Variants in BEND2 observed in about 807,000 individuals in gnomAD.
The protein encoded by BEND2 is BEN domain-containing protein 2.
A neutral mutation model predicts 43.8 loss-of-function variants in BEND2; 19 were observed. The ratio of observed to expected loss-of-function variants is 0.43; its 90% CI spans 0.30 to 0.64. BEND2 has a LOEUF of 0.64. Among genes scored for constraint, BEND2 ranks in the 30% least tolerant of loss-of-function variants. BEND2 has a pLI of 0.11. For missense variants in BEND2, 544 were observed against 574.0 expected, an observed-to-expected ratio of 0.95 and a Z score of 0.53; for synonymous variants, 226 against 210.1, an observed-to-expected ratio of 1.08 and a Z score of -0.66.
chrX:18,173,857 A>G (rs147029329), intron 12 of BEND2, among the ~76,000 whole-genome samples, 173 bp downstream of exon 12: 114 of 112,087 alleles, frequency 1.0e-3, no homozygotes, highest in African/African-American at 3.5e-3. Context: ...GTGTCTATAT[A>G]TTTCATTAAC....
chrX:18,186,942 G>A (rs1924594432), intron 8 of BEND2, among the ~76,000 whole-genome samples: 1 of 106,066 alleles, frequency 9.4e-6, no homozygotes, highest in Non-Finnish European at 1.9e-5. Context: ...ACTCCCGCCT[G>A]GGCAACAGAG....
intron 8 of BEND2, among the ~76,000 whole-genome samples, chrX:18,181,729 G>A (rs1044360180): frequency 3.6e-5 from 4 of 111,525 alleles, no homozygotes; most frequent in African/African-American, 1.3e-4. Flanking sequence ...AACACTCAGA[G>A]CAACCACTAG....
At position 18,196,928 on chromosome X, in the gene BEND2, C is replaced by T. The variant is rs1924972778; in HGVS notation, c.1034-1486G>A. On this transcript the variant is annotated intron_variant, in intron 6 of 13. Transcript: ENST00000380033. ...AATCAAACCTATTCGTGGAAGAAAA[C>T]TTGCACAGAAAGAAATACAGATACA... Among the ~76,000 whole-genome samples, 3 of 111,135 alleles carry T rather than the reference C, an allele frequency of 2.7e-5. No homozygotes were observed. In the South Asian group the frequency reaches 1.2e-3, roughly 43 times the overall value.
chrX:18,189,153 T>C (rs1196364942), intron 8 of BEND2, among the ~76,000 whole-genome samples: 1 of 104,583 alleles, frequency 9.6e-6, no homozygotes, highest in Non-Finnish European at 1.9e-5. Context: ...TGGGCCAAGA[T>C]TGTGCCACTG....
intron 9 of BEND2, among the ~76,000 whole-genome samples, chrX:18,178,289 G>A (rs1003361258): frequency 9.0e-6 from 1 of 111,446 alleles, no homozygotes; most frequent in African/African-American, 3.3e-5. Flanking sequence ...TTACATCTGT[G>A]CACTAGCTCA....
At chrX:18,191,542 T>C (rs1204571477) in intron 7 of BEND2, among the ~76,000 whole-genome samples, 1 of 112,165 alleles carries the variant, frequency 8.9e-6, no homozygotes, top group Non-Finnish European at 1.9e-5. Context: ...AAATGAAAGC[T>C]TGTGTTCACA....
In BEND2 at chrX:18,180,535, T is replaced by C; in HGVS notation, c.1404A>G (p.Ser468=). ...DSDSGQDSSS[S]SVCIPPKYGY... ...CATACTTGGGAGGGATACAGACAGA[T>C]GATGAGGAAGAATCCTGGCCACTGT... The change falls in exon 9 of 14, where the codon TCA becomes TCG. Residue 468 remains serine (S), a synonymous_variant. Transcript: ENST00000380033. The C allele has an allele frequency of 1.7e-6, 2 of 1,206,736 alleles. No individual in the cohort carries two copies. The highest frequency in any genetic ancestry group is 1.8e-5 in the South Asian group (1 of 56,839).
At chrX:18,214,484 A>G (rs192027985) in intron 2 of BEND2, among the ~76,000 whole-genome samples, 43 of 110,890 alleles carry the variant, frequency 3.9e-4, no homozygotes, top group Non-Finnish European at 6.6e-4. Context: ...TTTAAGCTGT[A>G]TATTTATGAT....
chrX:18,196,385 T>C (rs1392720541), intron 6 of BEND2, among the ~76,000 whole-genome samples: 1 of 110,680 alleles, frequency 9.0e-6, no homozygotes, highest in African/African-American at 3.3e-5. Context: ...ATGTAAAGCC[T>C]TTCTGGAAAA....
At chrX:18,208,600 C>A (rs187728212) in intron 4 of BEND2, among the ~76,000 whole-genome samples, 48 of 111,101 alleles carry the variant, frequency 4.3e-4, no homozygotes, top group African/African-American at 1.5e-3. Flanking sequence ...TTTTGTTTCT[C>A]CCCTATGTTC....
chrX:18,175,846 C>A, intron 11 of BEND2, 126 bp downstream of exon 11: 1 of 562,091 alleles, frequency 1.8e-6, no homozygotes, highest in Non-Finnish European at 2.6e-6. Context: ...ACATCCCATG[C>A]CCCCTAAGTT....
intron 8 of BEND2, among the ~76,000 whole-genome samples, chrX:18,186,729 G>A (rs1160918236): frequency 9.2e-6 from 1 of 109,214 alleles, no homozygotes; most frequent in African/African-American, 3.3e-5. Context: ...GGGAGGCCGA[G>A]GTGGGAGGAT....
rs780457204 is a variant in BEND2 at position 18,203,678 on chromosome X, T to C, written c.730A>G (p.Thr244Ala). 8.3e-7 allele frequency: 1 copy of C among 1,211,490 alleles called. No individual in the cohort carries two copies. Among genetic ancestry groups the C allele is most frequent in the East Asian group, 3.0e-5 (1 of 33,857 alleles). Reference sequence around the variant, plus strand: ...TTGGCAAATGAGATGACAGCATTGGTACTTTCAGCACCTCCACTGATAAAG... The same window carrying C: ...TTGGCAAATGAGATGACAGCATTGGCACTTTCAGCACCTCCACTGATAAAG... The part of the protein sequence containing the change: ...WNFISGGAES[T>A]NAVISFANAT... The change falls in exon 5 of 14, where the codon ACC becomes GCC. Residue 244 changes from threonine (T) to alanine (A), a missense_variant. Thr to Ala is a moderately conservative substitution (Grantham distance 58). This residue lies in a region of BEND2 where 501 missense variants were observed against 501.6 expected (regional missense o/e 1.00). Coordinates refer to ENST00000380033, the MANE Select transcript of BEND2 (RefSeq NM_153346.5).
chrX:18,190,447 T>C (rs959682143), intron 8 of BEND2, among the ~76,000 whole-genome samples: 1 of 111,520 alleles, frequency 9.0e-6, no homozygotes, highest in African/African-American at 3.3e-5. Context: ...AATTATGCTA[T>C]GTGGAAAAAA....
At chrX:18,203,101 T>C (rs1925218256) in intron 5 of BEND2, among the ~76,000 whole-genome samples, 2 of 111,528 alleles carry the variant, frequency 1.8e-5, no homozygotes, top group African/African-American at 6.5e-5. Flanking sequence ...GAGATCACAC[T>C]TGCCAAAGGT....
At position 18,164,344 on chromosome X, in the gene BEND2, C is replaced by T. The variant is rs1164908312; in HGVS notation, c.*665G>A. On this transcript the variant is annotated 3_prime_UTR_variant, in exon 14 of 14. Coordinates refer to ENST00000380033, the MANE Select transcript of BEND2 (RefSeq NM_153346.5). ...CCGGTAAATTATCTACTTTTTAAGA[C>T]CTTTGTAGGCATAGCCTAACTTATA... 9.0e-6 allele frequency: 1 copy of T among 111,310 alleles called. No homozygotes were observed. Among genetic ancestry groups the T allele is most frequent in the Admixed American group, 9.6e-5 (1 of 10,392 alleles). 9.2% of individuals were successfully genotyped at this position (111,310 alleles called of 1,213,427 possible).
At chrX:18,216,439 G>T (rs997727223) in intron 2 of BEND2, 82 bp downstream of exon 2, 14 of 869,331 alleles carry the variant, frequency 1.6e-5, no homozygotes, top group Non-Finnish European at 2.2e-5. Flanking sequence ...TACTGTAAAG[G>T]TTACAGGAAT....
chrX:18,168,113 G>GT (rs1412490374), intron 13 of BEND2, among the ~76,000 whole-genome samples: 5 of 112,507 alleles, frequency 4.4e-5, no homozygotes, highest in African/African-American at 1.6e-4. Context: ...ATGTTACCAT[G>GT]TGGAGAGACC....
chrX:18,181,216 T>C (rs1924374387), intron 8 of BEND2, among the ~76,000 whole-genome samples: 1 of 111,948 alleles, frequency 8.9e-6, no homozygotes, highest in African/African-American at 3.2e-5. Context: ...TTACTATCAT[T>C]GTAATTATTA....
Sources: allele counts gnomAD v4.1 joint callset (sites outside exome capture counted in the v4.1 genomes callset), GRCh38; gene constraint gnomAD v4.1.1; regional missense constraint gnomAD v4.1.1; transcripts MANE v1.5; gene names NCBI Gene and HGNC (gene_info 2026-07-23, HGNC 2026-07-21).